NKAIN2: variants seen among roughly 807,000 people sequenced by gnomAD.
NKAIN2 encodes the protein sodium/potassium transporting ATPase interacting 2, also known as sodium/potassium-transporting ATPase subunit beta-1-interacting protein 2.
A neutral mutation model predicts 32.6 loss-of-function variants in NKAIN2; 14 were observed. The observed-to-expected ratio is 0.43, with a 90% CI of 0.28 to 0.67. The LOEUF is 0.67. Among genes scored for constraint, NKAIN2 ranks in the 30% least tolerant of loss-of-function variants. The pLI is 0.17. For synonymous variants in NKAIN2, 80 were observed against 87.2 expected (o/e 0.92, Z 0.46); for missense variants, 198 against 258.3 (o/e 0.77, Z 1.60).
At chr6:124,518,050 A>G (rs1023780071) in intron 3 of NKAIN2, among the ~76,000 whole-genome samples, 1 of 152,128 alleles carries the variant, frequency 6.6e-6, no homozygotes, top group Admixed American at 6.6e-5. Context: ...ATGTGATTTA[A>G]AATACATATG....
At chr6:124,480,424 A>G (rs938143394) in intron 3 of NKAIN2, among the ~76,000 whole-genome samples, 2 of 152,156 alleles carry the variant, frequency 1.3e-5, no homozygotes, top group African/African-American at 4.8e-5. Flanking sequence ...AGGAAATGAC[A>G]TGAGTGAGAC....
At chr6:124,021,917 T>C (rs1392169817) in intron 1 of NKAIN2, among the ~76,000 whole-genome samples, 1 of 152,178 alleles carries the variant, frequency 6.6e-6, no homozygotes, top group Non-Finnish European at 1.5e-5. Flanking sequence ...TATTATACTT[T>C]AAGGTCTAGG....
At chr6:124,044,662 T>C (rs1782036747) in intron 1 of NKAIN2, among the ~76,000 whole-genome samples, 1 of 152,046 alleles carries the variant, frequency 6.6e-6, no homozygotes, top group African/African-American at 2.4e-5. Context: ...TCTTTCAGCA[T>C]TCCCTCTGTG....
intron 1 of NKAIN2, among the ~76,000 whole-genome samples, chr6:124,011,222 G>C (rs1237541726): frequency 6.6e-6 from 1 of 151,988 alleles, no homozygotes; most frequent in Non-Finnish European, 1.5e-5. Flanking sequence ...CTCCTTGTTA[G>C]TGCTGGAAGG....
chr6:124,100,649 C>T (rs889966019), intron 1 of NKAIN2, among the ~76,000 whole-genome samples: 2 of 152,192 alleles, frequency 1.3e-5, no homozygotes, highest in Non-Finnish European at 2.9e-5. Flanking sequence ...TAAAAACAAA[C>T]ATCTCTTGCT....
At chr6:124,004,716 TG>T (rs1201568368) in intron 1 of NKAIN2, among the ~76,000 whole-genome samples, 1 of 150,460 alleles carries the variant, frequency 6.6e-6, no homozygotes, top group Non-Finnish European at 1.5e-5. Context: ...TGTCAGGTGG[TG>T]GGGGGATGGG....
At chr6:124,414,380 T>A (rs997456101) in intron 3 of NKAIN2, among the ~76,000 whole-genome samples, 1 of 152,202 alleles carries the variant, frequency 6.6e-6, no homozygotes, top group African/African-American at 2.4e-5. Flanking sequence ...ATTATCCATC[T>A]TATATAATGT....
At position 124,408,147 on chromosome 6, in the gene NKAIN2, G is replaced by A. The variant is rs566081204; in HGVS notation, c.273+52800G>A. On this transcript the variant is annotated intron_variant, in intron 3 of 6. Coordinates refer to ENST00000368417, the MANE Select transcript of NKAIN2 (RefSeq NM_001040214.3). ...AAAATTTTCTCCCATTCTGTAGGTT[G>A]CCTGTTCACTCTGATGGTAGTTTGT... Among the ~76,000 whole-genome samples, 1,077 of 151,954 alleles carry A rather than the reference G, an allele frequency of 7.1e-3. 7 individuals are homozygous for A. The highest frequency in any genetic ancestry group is 0.025 in the African/African-American group (1,041 of 41,462).
intron 3 of NKAIN2, among the ~76,000 whole-genome samples, chr6:124,439,585 G>T (rs1007484673): frequency 4.0e-5 from 6 of 150,970 alleles, no homozygotes; most frequent in Admixed American, 1.3e-4. Context: ...TAGAAAATCC[G>T]AATTCTAACC....
At chr6:124,011,495 C>T (rs1361150712) in intron 1 of NKAIN2, among the ~76,000 whole-genome samples, 2 of 151,564 alleles carry the variant, frequency 1.3e-5, no homozygotes, top group African/African-American at 4.8e-5. Flanking sequence ...AAACCTAAAT[C>T]ATTACCTTCC....
chr6:124,162,253 A>G (rs1458854373), intron 1 of NKAIN2, among the ~76,000 whole-genome samples: 1 of 152,092 alleles, frequency 6.6e-6, no homozygotes, highest in East Asian at 1.9e-4. Flanking sequence ...CAACACACAT[A>G]GTATGCGCTC....
intron 1 of NKAIN2, among the ~76,000 whole-genome samples, chr6:124,074,097 A>G (rs75841697): frequency 0.034 from 5,186 of 152,286 alleles, 137 homozygotes; most frequent in Non-Finnish European, 0.053. Context: ...AGAGGAGACC[A>G]GGCACAAACT....
In NKAIN2 at chr6:124,357,228, CAAAT is replaced by C. The variant is rs1469728664; in HGVS notation, c.273+1884_273+1887del. On this transcript the variant is annotated intron_variant, in intron 3 of 6. Coordinates refer to ENST00000368417, the MANE Select transcript of NKAIN2 (RefSeq NM_001040214.3). ...GAAAATTTAATAATTTCCTTTTTAACAAATAACCTAAAAAAAAACCATAAAGGGC... is the reference window on the plus strand; with the variant it reads ...GAAAATTTAATAATTTCCTTTTTAACAACCTAAAAAAAAACCATAAAGGGC... Among the ~76,000 whole-genome samples, 8 of 152,046 alleles carry C rather than the reference CAAAT, an allele frequency of 5.3e-5. No homozygotes were observed. In the East Asian group the frequency reaches 1.5e-3, roughly 29 times the overall value.
At chr6:123,996,049 G>A (rs557902506) in intron 1 of NKAIN2, among the ~76,000 whole-genome samples, 3 of 152,104 alleles carry the variant, frequency 2.0e-5, no homozygotes, top group East Asian at 3.9e-4. Context: ...GTAAAATCTA[G>A]GTATGAAGTC....
chr6:123,946,578 T>C (rs75558317), intron 1 of NKAIN2, among the ~76,000 whole-genome samples: 38 of 152,290 alleles, frequency 2.5e-4, no homozygotes, highest in African/African-American at 8.4e-4. Flanking sequence ...TGGATGATTA[T>C]ATCATTGATT....
intron 1 of NKAIN2, among the ~76,000 whole-genome samples, chr6:124,196,006 C>A (rs1790297822): frequency 1.3e-5 from 2 of 152,036 alleles, no homozygotes; most frequent in Admixed American, 1.3e-4. Context: ...TAAATTTGTT[C>A]ACTCTTTAAT....
At chr6:124,538,333 G>C (rs1779791044) in intron 3 of NKAIN2, among the ~76,000 whole-genome samples, 1 of 151,900 alleles carries the variant, frequency 6.6e-6, no homozygotes, top group East Asian at 1.9e-4. Flanking sequence ...AGTTTAGCTT[G>C]GTAGAAATGT....
At position 124,658,341 on chromosome 6, in the gene NKAIN2, C is replaced by A; in HGVS notation, c.429C>A (p.Tyr143Ter). The A allele has an allele frequency of 6.2e-7, 1 of 1,614,072 alleles. No homozygotes were observed. The highest frequency in any genetic ancestry group is 8.5e-7 in the Non-Finnish European group (1 of 1,179,984). Residue 143 changes from tyrosine to a stop codon, truncating the protein, a stop_gained, in exon 4 of 7, where the codon TAC becomes TAA. Coordinates refer to ENST00000368417, the MANE Select transcript of NKAIN2 (RefSeq NM_001040214.3). LOFTEE classifies it high-confidence loss of function. The stretch of plus-strand genomic sequence containing the variant: ...CGGTCTCAGGGTGTTTGCTGGAGTA[C>A]CAGTACATAGAAGTGGCTCATAGTT... ...YITVSGCLLE[Y>*]QYIEVAHSSL...
chr6:124,706,179 ATAAT>A (rs1775053320), intron 4 of NKAIN2, among the ~76,000 whole-genome samples: 1 of 152,154 alleles, frequency 6.6e-6, no homozygotes, highest in Non-Finnish European at 1.5e-5. Flanking sequence ...GAATTGAATG[ATAAT>A]TAATAATAAT....
Sources: gnomAD v4.1 joint callset for allele counts (sites outside exome capture counted in the v4.1 genomes callset) on GRCh38, gnomAD v4.1.1 for gene constraint, MANE v1.5 for transcripts, NCBI Gene and HGNC (gene_info 2026-07-23, HGNC 2026-07-21) for gene names.